The following DYNC2I1 variants were observed in gnomAD, a reference collection of about 807,000 sequenced individuals.
DYNC2I1 encodes the protein dynein 2 intermediate chain 1.
A neutral mutation model predicts 133.4 loss-of-function variants in DYNC2I1; 89 were observed. The ratio of observed to expected loss-of-function variants is 0.67; its 90% CI spans 0.56 to 0.80. The LOEUF (loss-of-function observed/expected upper bound fraction) is 0.80, where lower values mean the gene tolerates loss of function less well. Ranked by LOEUF, DYNC2I1 falls within the 30% of genes least tolerant of loss-of-function variation. DYNC2I1 has a pLI of 0.00. For missense variants in DYNC2I1, 1,291 were observed against 1,314.5 expected (o/e 0.98, Z 0.28); for synonymous variants, 504 against 484.3 (o/e 1.04, Z -0.54).
intron 8 of DYNC2I1, among the ~76,000 whole-genome samples, chr7:158,899,564 A>C (rs577461831): frequency 6.6e-6 from 1 of 152,106 alleles, no homozygotes; most frequent in Non-Finnish European, 1.5e-5. Context: ...CCCCACCCAA[A>C]TCTCAACTTG....
intron 20 of DYNC2I1, among the ~76,000 whole-genome samples, chr7:158,929,253 G>C (rs967368328): frequency 3.3e-5 from 5 of 152,232 alleles, no homozygotes; most frequent in African/African-American, 1.2e-4. Context: ...GAAGGAGTCA[G>C]CCACCATCTT....
intron 6 of DYNC2I1, among the ~76,000 whole-genome samples, chr7:158,886,085 A>G (rs1844572411): frequency 1.3e-5 from 2 of 150,248 alleles, no homozygotes; most frequent in South Asian, 4.2e-4. Flanking sequence ...TTAATATAAA[A>G]TAGTATTTCA....
At chr7:158,946,609 C>T (rs926217885), downstream of DYNC2I1, among the ~76,000 whole-genome samples, 1 of 152,386 alleles carries the variant, frequency 6.6e-6, no homozygotes, top group East Asian at 1.9e-4. Context: ...TAGGGCTCTG[C>T]GTCTCAAAGG....
intron 9 of DYNC2I1, 42 bp downstream of exon 9, chr7:158,901,858 T>G (rs746675120): frequency 7.1e-7 from 1 of 1,406,040 alleles, no homozygotes; most frequent in Non-Finnish European, 9.6e-7. Flanking sequence ...TAAAAATCAT[T>G]TATTCTTAAA....
intron 16 of DYNC2I1, 74 bp downstream of exon 16, chr7:158,922,623 G>C: frequency 7.1e-7 from 1 of 1,415,136 alleles, no homozygotes. Flanking sequence ...TGCAGGTGGG[G>C]AGAGTCACGG....
At chr7:158,883,749 C>T (rs796468083) in intron 5 of DYNC2I1, among the ~76,000 whole-genome samples, 143 of 147,700 alleles carry the variant, frequency 9.7e-4, no homozygotes, top group African/African-American at 3.5e-3. Flanking sequence ...CTGCAAGCTC[C>T]GCCTCCCGGG....
In DYNC2I1 at chr7:158,923,635, C is replaced by T; in HGVS notation, c.2159C>T (p.Ser720Leu). The change falls in exon 17 of 25, where the codon TCA (serine) becomes TTA (leucine). Residue 720 changes from serine to leucine, a missense_variant. Coordinates refer to ENST00000407559, the MANE Select transcript of DYNC2I1 (RefSeq NM_018051.5). ...FLLFAGTAHG[S>L]VVVWDLREDS... is the part of the protein sequence containing the mutation. ...CTGTTTGCCGGAACAGCGCACGGCT[C>T]AGTTGTCGTCTGGGATTTGAGAGAA... The T allele has an allele frequency of 6.2e-7, 1 of 1,614,002 alleles. No individual in the cohort carries two copies.
intron 14 of DYNC2I1, 55 bp downstream of exon 14, chr7:158,914,376 C>A: frequency 7.1e-7 from 1 of 1,414,714 alleles, no homozygotes; most frequent in Non-Finnish European, 9.7e-7. Flanking sequence ...AAGTTTCATT[C>A]TACATAGAAA....
At chr7:158,902,128 G>C (rs1393031171) in intron 9 of DYNC2I1, among the ~76,000 whole-genome samples, 1 of 152,180 alleles carries the variant, frequency 6.6e-6, no homozygotes, top group Non-Finnish European at 1.5e-5. Context: ...GTTTGCACGT[G>C]ATGATAGTTG....
At chr7:158,860,624 TATTA>T (rs1427509155) in intron 1 of DYNC2I1, among the ~76,000 whole-genome samples, 1 of 152,238 alleles carries the variant, frequency 6.6e-6, no homozygotes, top group Non-Finnish European at 1.5e-5. Flanking sequence ...TGTGTATGAC[TATTA>T]ATTTTTATGG....
the DYNC2I1 span, among the ~76,000 whole-genome samples, chr7:158,844,113 G>A: frequency 6.6e-6 from 1 of 152,204 alleles, no homozygotes; most frequent in Non-Finnish European, 1.5e-5. Flanking sequence ...GGGAACAAAA[G>A]GAAGGCAGTC....
chr7:158,880,521 C>T lies in DYNC2I1; in HGVS notation c.879+532C>T, dbSNP rs531311836. 3.9e-5 allele frequency among the ~76,000 whole-genome samples: 6 copies of T among 152,202 alleles called. No individual in the cohort carries two copies. The South Asian group carries it at 1.0e-3, about 26-fold the overall frequency. ...GTTGCAGTGAGCTGAGATCGCACCA[C>T]TGCACTCCAACCTGGGTGACGGAGT... is the stretch of plus-strand genomic sequence containing the variant. On this transcript the variant is annotated intron_variant, in intron 5 of 24. Coordinates refer to ENST00000407559, the MANE Select transcript of DYNC2I1 (RefSeq NM_018051.5).
At chr7:158,867,193 G>C (rs57298399) in intron 1 of DYNC2I1, among the ~76,000 whole-genome samples, 10,441 of 152,136 alleles carry the variant, frequency 0.069, 470 homozygotes, top group African/African-American at 0.12. Flanking sequence ...TGTTGTACCA[G>C]GGTTGTGGGG....
intron 23 of DYNC2I1, among the ~76,000 whole-genome samples, chr7:158,937,888 A>C (rs2467805): frequency 0.5 from 75,487 of 151,970 alleles, 19,183 homozygotes; most frequent in Admixed American, 0.54. Flanking sequence ...TGACAGAGTG[A>C]ATACTGTTTC....
At chr7:158,910,154 G>A (rs940298808) in intron 11 of DYNC2I1, among the ~76,000 whole-genome samples, 2 of 152,228 alleles carry the variant, frequency 1.3e-5, no homozygotes, top group African/African-American at 2.4e-5. Flanking sequence ...ATTTGACCCC[G>A]GGCACACTAA....
intron 21 of DYNC2I1, among the ~76,000 whole-genome samples, chr7:158,931,722 A>G (rs1334713525): frequency 6.6e-6 from 1 of 152,190 alleles, no homozygotes; most frequent in Non-Finnish European, 1.5e-5. Flanking sequence ...CCTGAGATCC[A>G]TGCATAATAA....
At chr7:158,955,171 ATGT>A (rs1852167252) in intron 4 of DYNC2I1, among the ~76,000 whole-genome samples, 1 of 152,190 alleles carries the variant, frequency 6.6e-6, no homozygotes, top group South Asian at 2.1e-4. Flanking sequence ...CCATCAAATA[ATGT>A]TGGGGGAAGC....
In DYNC2I1 at chr7:158,882,625, C is replaced by G. The variant is rs79155871; in HGVS notation, c.880-1939C>G. Among the ~76,000 whole-genome samples, 940 of 152,242 alleles carry G rather than the reference C, an allele frequency of 6.2e-3. 61 individuals carry two copies. In the East Asian group the frequency reaches 0.13, roughly 21 times the overall value. Reference sequence around the variant, plus strand: ...TGGTGGCTCACACCTATAATCCTAGCACTTTGGGAGGCCGAGACAGGTGGA... The same window carrying G: ...TGGTGGCTCACACCTATAATCCTAGGACTTTGGGAGGCCGAGACAGGTGGA... On this transcript the variant is annotated intron_variant, in intron 5 of 24. Coordinates refer to ENST00000407559, the MANE Select transcript of DYNC2I1 (RefSeq NM_018051.5).
At chr7:158,952,406 A>C (rs1369994629) in intron 4 of DYNC2I1, among the ~76,000 whole-genome samples, 1 of 152,144 alleles carries the variant, frequency 6.6e-6, no homozygotes, top group East Asian at 1.9e-4. Context: ...CTCCATGGCT[A>C]AGGGGGTGCA....
Sources: gnomAD v4.1 joint callset for allele counts (sites outside exome capture counted in the v4.1 genomes callset) on GRCh38, gnomAD v4.1.1 for gene constraint, MANE v1.5 for transcripts, NCBI Gene and HGNC (gene_info 2026-07-23, HGNC 2026-07-21) for gene names.